DICER1: variants seen among roughly 807,000 people sequenced by gnomAD.
DICER1 encodes endoribonuclease Dicer.
Under a neutral mutation model 194.1 loss-of-function variants are expected in DICER1, and 43 were observed. The observed-to-expected ratio is 0.22, with a 90% CI of 0.17 to 0.29. DICER1 has a LOEUF of 0.29. DICER1 is among the 10% of genes least tolerant of loss of function. The pLI is 1.00. For missense variants in DICER1, 1,608 were observed against 2,317.0 expected (o/e 0.69, Z 6.28); for synonymous variants, 832 against 820.5 (o/e 1.01, Z -0.24).
chr14:95,157,472 G>T lies in DICER1; in HGVS notation c.-288C>A, dbSNP rs1470954856. On this transcript the variant is annotated 5_prime_UTR_variant, in exon 1 of 27. Coordinates refer to ENST00000343455, the MANE Select transcript of DICER1 (RefSeq NM_177438.3). Reference sequence around the variant, plus strand: ...GCGGAGACTGCGCAGCGCCCGGCTGGCCGGCAGCCAGCGCACGGCCCGCGG... The same window carrying T: ...GCGGAGACTGCGCAGCGCCCGGCTGTCCGGCAGCCAGCGCACGGCCCGCGG... 1 of 152,408 alleles carries T rather than the reference G, an allele frequency of 6.6e-6. No individual in the cohort carries two copies. Among genetic ancestry groups the T allele is most frequent in the Admixed American group, 6.6e-5 (1 of 15,254 alleles). 9.4% of individuals were successfully genotyped at this position (152,408 alleles called of 1,614,324 possible). A position where few individuals can be genotyped will look rare whatever the true frequency, so the allele number is the denominator to read the frequency against.
chr14:95,108,500 G>A lies in DICER1; in HGVS notation c.2260C>T (p.Pro754Ser). ...KRRQCYPKAI[P>S]ECLRDSYPRP... ...GGATAACTATCCCTCAAACACTCTG[G>A]AATCTAGAGTTGGAAAGGAAAATTA... is the stretch of plus-strand genomic sequence containing the variant. Residue 754 changes from proline (P) to serine (S), a missense_variant, in exon 15 of 27, where the codon CCA becomes TCA. Transcript: ENST00000343455. The A allele has an allele frequency of 6.2e-7, 1 of 1,614,048 alleles. No homozygotes were observed. Among genetic ancestry groups the A allele is most frequent in the South Asian group, 1.1e-5 (1 of 91,088 alleles).
chr14:95,149,635 C>T lies in DICER1; in HGVS notation c.-46+7595G>A, dbSNP rs552611067. On this transcript the variant is annotated intron_variant, in intron 1 of 26. Transcript: ENST00000343455. ...GAAAGATAATCTCATACTATACTCACATTCATATTACATAGTTCATGATTT... is the reference window on the plus strand; with the variant it reads ...GAAAGATAATCTCATACTATACTCATATTCATATTACATAGTTCATGATTT... 1.2e-4 allele frequency among the ~76,000 whole-genome samples: 19 copies of T among 152,310 alleles called. No homozygotes were observed. The South Asian group carries it at 2.5e-3, about 20-fold the overall frequency.
intron 1 of DICER1, among the ~76,000 whole-genome samples, chr14:95,133,938 T>G (rs1374441348): frequency 6.6e-6 from 1 of 152,204 alleles, no homozygotes; most frequent in African/African-American, 2.4e-5. Flanking sequence ...AAAGAAAATA[T>G]GTACAGCATG....
intron 2 of DICER1, 141 bp downstream of exon 2, chr14:95,133,174 T>C (rs1275868387): frequency 3.6e-6 from 3 of 826,992 alleles, no homozygotes; most frequent in African/African-American, 1.7e-5. Context: ...CTATTAAGAA[T>C]AAAAGTATTT....
chr14:95,116,877 A>G (rs1297459817), intron 9 of DICER1, among the ~76,000 whole-genome samples, 182 bp from the exon 10 acceptor site: 1 of 152,238 alleles, frequency 6.6e-6, no homozygotes, highest in Non-Finnish European at 1.5e-5. Context: ...GCATGGAAAC[A>G]TGGACAAAGA....
At chr14:95,137,822 A>C (rs933144674) in intron 1 of DICER1, 27 of 153,974 alleles carry the variant, frequency 1.8e-4, no homozygotes, top group African/African-American at 6.3e-4. Context: ...GCTATCAGTA[A>C]ATTCTTTTTG....
At chr14:95,155,299 T>C (rs1184382925) in intron 1 of DICER1, among the ~76,000 whole-genome samples, 1 of 152,132 alleles carries the variant, frequency 6.6e-6, no homozygotes, top group African/African-American at 2.4e-5. Flanking sequence ...CATGACATGG[T>C]AGGGTCGCAA....
At chr14:95,099,667 GAAAA>G in intron 22 of DICER1, 109 bp downstream of exon 22, 16 of 1,385,916 alleles carry the variant, frequency 1.2e-5, no homozygotes, top group Non-Finnish European at 1.5e-5. Flanking sequence ...AACATACCAA[GAAAA>G]TGAAACAAAA....
At chr14:95,100,158 T>A (rs560808174) in intron 21 of DICER1, among the ~76,000 whole-genome samples, 42 of 152,320 alleles carry the variant, frequency 2.8e-4, no homozygotes, top group African/African-American at 9.6e-4. Flanking sequence ...TATTTCTGAA[T>A]ATAAGATGCA....
chr14:95,102,729 C>T (rs1435824777), intron 21 of DICER1, among the ~76,000 whole-genome samples: 1 of 152,072 alleles, frequency 6.6e-6, no homozygotes, highest in East Asian at 1.9e-4. Context: ...ACCTTCATTC[C>T]TTTTCTTAAG....
chr14:95,108,657 C>T (rs554071061), intron 14 of DICER1, among the ~76,000 whole-genome samples, 154 bp from the exon 15 acceptor site: 2 of 152,318 alleles, frequency 1.3e-5, no homozygotes, highest in South Asian at 4.1e-4. Context: ...AATTACTTAA[C>T]CCTGCTGGGT....
chr14:95,093,618 C>T (rs1024433064), intron 24 of DICER1, among the ~76,000 whole-genome samples: 2 of 152,178 alleles, frequency 1.3e-5, no homozygotes, highest in African/African-American at 4.8e-5. Context: ...TGCTGGAAGC[C>T]CTCATGAAGG....
At chr14:95,114,049 T>C (rs8008927) in intron 11 of DICER1, among the ~76,000 whole-genome samples, 1 of 152,144 alleles carries the variant, frequency 6.6e-6, no homozygotes, top group Non-Finnish European at 1.5e-5. Context: ...TATCAACAGA[T>C]AGACACTGAA....
chr14:95,102,931 T>G (rs1040568289), intron 21 of DICER1, among the ~76,000 whole-genome samples: 3 of 152,224 alleles, frequency 2.0e-5, no homozygotes, highest in Non-Finnish European at 4.4e-5. Context: ...TACTCATGTC[T>G]GTATGCCTTG....
At chr14:95,129,365 T>G in intron 6 of DICER1, 107 bp downstream of exon 6, 1 of 1,044,532 alleles carries the variant, frequency 9.6e-7, no homozygotes, top group African/African-American at 1.6e-5. Flanking sequence ...TTTACTGCCA[T>G]TTGTTCACTT....
chr14:95,097,339 G>A (rs542703089), intron 22 of DICER1, among the ~76,000 whole-genome samples: 2 of 152,208 alleles, frequency 1.3e-5, no homozygotes, highest in East Asian at 3.9e-4. Flanking sequence ...AAATAAAAGT[G>A]ATCACTGCAC....
intron 11 of DICER1, among the ~76,000 whole-genome samples, chr14:95,114,669 T>C (rs1892278967): frequency 6.6e-6 from 1 of 151,950 alleles, no homozygotes; most frequent in African/African-American, 2.4e-5. Context: ...ATAAAAGGGG[T>C]GAAAGGGAAC....
chr14:95,108,800 T>C (rs947770448), intron 14 of DICER1, among the ~76,000 whole-genome samples: 1 of 152,212 alleles, frequency 6.6e-6, no homozygotes, highest in Non-Finnish European at 1.5e-5. Context: ...TTTTTAAAAA[T>C]ACTATTCATT....
chr14:95,140,459 G>T (rs1894757593), intron 1 of DICER1, among the ~76,000 whole-genome samples: 1 of 152,122 alleles, frequency 6.6e-6, no homozygotes, highest in Admixed American at 6.5e-5. Flanking sequence ...ATATAGCCTA[G>T]GTGTATAATA....
Sources: allele counts gnomAD v4.1 joint callset (sites outside exome capture counted in the v4.1 genomes callset), GRCh38; gene constraint gnomAD v4.1.1; transcripts MANE v1.5; gene names NCBI Gene and HGNC (gene_info 2026-07-23, HGNC 2026-07-21).